Variants in SNX24 observed in about 807,000 individuals in gnomAD.
SNX24 encodes the protein sorting nexin-24.
A neutral mutation model predicts 28.7 loss-of-function variants in SNX24; 22 were observed. The ratio of observed to expected loss-of-function variants is 0.77; its 90% CI spans 0.55 to 1.10. SNX24 has a LOEUF of 1.10. Ranked by LOEUF, SNX24 falls within the 50% of genes least tolerant of loss-of-function variation. The pLI is 0.00. For missense variants in SNX24, 221 were observed against 201.1 expected, an observed-to-expected ratio of 1.10 and a Z score of -0.60; for synonymous variants, 69 against 71.5, an observed-to-expected ratio of 0.96 and a Z score of 0.18.
intron 1 of SNX24, among the ~76,000 whole-genome samples, chr5:122,884,888 C>T (rs776315554): frequency 3.8e-4 from 58 of 152,102 alleles, no homozygotes; most frequent in Non-Finnish European, 5.9e-4. Context: ...CAGAAAAATG[C>T]CTCCATTGTG....
intron 5 of SNX24, chr5:123,025,662 G>C (rs1222284979): frequency 1.0e-6 from 1 of 999,542 alleles, no homozygotes; most frequent in Non-Finnish European, 1.5e-6. Flanking sequence ...ATTCACCTTT[G>C]AAGAGGCCAG....
chr5:122,907,218 A>G lies in SNX24; in HGVS notation c.61-29516A>G, dbSNP rs79238544. Among the ~76,000 whole-genome samples, 1,295 of 152,242 alleles carry G rather than the reference A, an allele frequency of 8.5e-3. 10 individuals are homozygous for G. The highest frequency in any genetic ancestry group is 0.06 in the East Asian group (309 of 5,178). ...TTTAAAATGAGTATTTCATTTTTATACTCACCTATTTATAGCAAGTGATAC... is the reference window on the plus strand; with the variant it reads ...TTTAAAATGAGTATTTCATTTTTATGCTCACCTATTTATAGCAAGTGATAC... On this transcript the variant is annotated intron_variant, in intron 1 of 6. Transcript: ENST00000261369.
intron 1 of SNX24, among the ~76,000 whole-genome samples, chr5:122,915,343 T>C (rs552268533): frequency 5.9e-5 from 9 of 152,288 alleles, no homozygotes; most frequent in Admixed American, 5.9e-4. Context: ...AGATTTTTCA[T>C]GGCCAGGTGC....
chr5:123,020,361 T>G (rs1277097369), intron 5 of SNX24, among the ~76,000 whole-genome samples: 2 of 152,240 alleles, frequency 1.3e-5, no homozygotes, highest in African/African-American at 4.8e-5. Context: ...TGAATTTGCA[T>G]TTTGTTGTAT....
chr5:122,928,216 T>C (rs970521590), intron 1 of SNX24, among the ~76,000 whole-genome samples: 7 of 152,158 alleles, frequency 4.6e-5, no homozygotes, highest in Non-Finnish European at 1.0e-4. Context: ...GACTATTCAC[T>C]CTTCCATCTG....
intron 3 of SNX24, among the ~76,000 whole-genome samples, chr5:122,967,071 A>G (rs934140627): frequency 2.2e-4 from 33 of 152,340 alleles, no homozygotes; most frequent in African/African-American, 7.7e-4. Context: ...GGAATATACA[A>G]GGCAGAAATT....
At chr5:122,903,280 G>A (rs1032518648) in intron 1 of SNX24, among the ~76,000 whole-genome samples, 4 of 152,064 alleles carry the variant, frequency 2.6e-5, no homozygotes, top group South Asian at 2.1e-4. Flanking sequence ...GCTAATATTC[G>A]TATTTTTTTA....
intron 1 of SNX24, among the ~76,000 whole-genome samples, chr5:122,869,897 G>GGT (rs549232633): frequency 6.8e-6 from 1 of 147,712 alleles, no homozygotes; most frequent in Non-Finnish European, 1.5e-5. Flanking sequence ...AGTGCTATGA[G>GGT]TTTTTTTTTT....
intron 3 of SNX24, among the ~76,000 whole-genome samples, chr5:122,985,858 G>A (rs984100579): frequency 6.6e-6 from 1 of 152,224 alleles, no homozygotes; most frequent in African/African-American, 2.4e-5. Flanking sequence ...TGCGTTCAGA[G>A]CCCTTTCTTT....
intron 3 of SNX24, among the ~76,000 whole-genome samples, chr5:122,951,010 G>A (rs1243372624): frequency 6.6e-6 from 1 of 152,134 alleles, no homozygotes; most frequent in Non-Finnish European, 1.5e-5. Context: ...GCTCACGCCT[G>A]TAATCCCAGC....
rs1231080938 is a variant in SNX24, at chr5:122,929,962, ATTT to A, written c.61-6770_61-6768del. Among the ~76,000 whole-genome samples, 7 of 152,030 alleles carry A rather than the reference ATTT, an allele frequency of 4.6e-5. No homozygotes were observed. In the South Asian group the frequency reaches 1.5e-3, roughly 32 times the overall value. On this transcript the variant is annotated intron_variant, in intron 1 of 6. Transcript: ENST00000261369. ...GTGCTTCTGCATATCTGAAAATAAC[ATTT>A]TCCCTTGCCCTTGGTGGAAGATTTG...
At chr5:122,902,286 G>A (rs934205953) in intron 1 of SNX24, among the ~76,000 whole-genome samples, 1 of 152,224 alleles carries the variant, frequency 6.6e-6, no homozygotes, top group African/African-American at 2.4e-5. Flanking sequence ...TAGGTGTAGT[G>A]TAGTGCTGAA....
chr5:123,018,937 G>A (rs769614742), intron 5 of SNX24, among the ~76,000 whole-genome samples: 28 of 152,166 alleles, frequency 1.8e-4, no homozygotes, highest in Non-Finnish European at 3.4e-4. Context: ...CGCCCGCCTC[G>A]GCCTCCCAAA....
At chr5:122,856,821 C>T (rs1755216090) in intron 1 of SNX24, among the ~76,000 whole-genome samples, 1 of 151,870 alleles carries the variant, frequency 6.6e-6, no homozygotes, top group African/African-American at 2.4e-5. Flanking sequence ...TGGTCTGTTA[C>T]TTAATGGTTA....
intron 3 of SNX24, among the ~76,000 whole-genome samples, chr5:122,992,010 TAAGAA>T (rs1761874998): frequency 1.3e-5 from 2 of 151,974 alleles, no homozygotes; most frequent in Admixed American, 1.3e-4. Context: ...TAAAATTAAA[TAAGAA>T]AAGAATTAAA....
At chr5:122,972,699 C>T (rs2150148979) in intron 3 of SNX24, among the ~76,000 whole-genome samples, 1 of 152,312 alleles carries the variant, frequency 6.6e-6, no homozygotes, top group Non-Finnish European at 1.5e-5. Context: ...TTGGCAGAAG[C>T]ATTGCGTGCA....
chr5:122,955,635 AG>A (rs1176185591), intron 3 of SNX24, among the ~76,000 whole-genome samples: 9 of 152,164 alleles, frequency 5.9e-5, no homozygotes, highest in African/African-American at 2.4e-5. Flanking sequence ...TGATACCTGG[AG>A]GGTAAGGCTT....
intron 1 of SNX24, among the ~76,000 whole-genome samples, chr5:122,882,039 C>A (rs1756503752): frequency 6.6e-6 from 1 of 151,346 alleles, no homozygotes; most frequent in Non-Finnish European, 1.5e-5. Context: ...ATGTGACAAA[C>A]TCCTGGGCTC....
chr5:122,852,987 A>G (rs377767271), intron 1 of SNX24, among the ~76,000 whole-genome samples: 17 of 152,256 alleles, frequency 1.1e-4, no homozygotes, highest in African/African-American at 3.6e-4. Flanking sequence ...ATGTACAATG[A>G]AGGAGGCCAT....
Sources: gnomAD v4.1 joint callset for allele counts (sites outside exome capture counted in the v4.1 genomes callset) on GRCh38, gnomAD v4.1.1 for gene constraint, MANE v1.5 for transcripts, NCBI Gene and HGNC (gene_info 2026-07-23, HGNC 2026-07-21) for gene names.